CEP63: variants seen among roughly 807,000 people sequenced by gnomAD.
CEP63 encodes centrosomal protein of 63 kDa.
CEP63 carries 84 observed loss-of-function variants against 89.1 expected under a neutral mutation model. That is an observed-to-expected ratio of 0.94 (90% confidence interval 0.79 to 1.13). The LOEUF is 1.13. CEP63 is among the 50% of genes most tolerant of loss of function. The pLI is 0.00. For synonymous variants in CEP63, 267 were observed against 272.5 expected, an observed-to-expected ratio of 0.98 and a Z score of 0.20; for missense variants, 838 against 813.3, an observed-to-expected ratio of 1.03 and a Z score of -0.37.
At chr3:134,630,192 G>A in the CEP63 span, among the ~76,000 whole-genome samples, 6 of 152,178 alleles carry the variant, frequency 3.9e-5, no homozygotes, top group Non-Finnish European at 8.8e-5. Flanking sequence ...GAACCCCTAA[G>A]AGTCAGAGAG....
At chr3:134,675,892 C>A in the CEP63 span, among the ~76,000 whole-genome samples, 10 of 152,244 alleles carry the variant, frequency 6.6e-5, no homozygotes, top group East Asian at 1.9e-3. Context: ...CAAGTGTTGG[C>A]AAAGATGCAG....
chr3:134,713,537 G>C, the CEP63 span, among the ~76,000 whole-genome samples: 269 of 152,330 alleles, frequency 1.8e-3, 1 homozygote, highest in African/African-American at 6.4e-3. Context: ...AAAGAAGGAA[G>C]GAGCTTGGAT....
chr3:134,687,096 C>T, the CEP63 span, among the ~76,000 whole-genome samples: 1 of 152,082 alleles, frequency 6.6e-6, no homozygotes, highest in African/African-American at 2.4e-5. Context: ...TCTACAAGAC[C>T]CACAATGGTC....
intron 3 of CEP63, among the ~76,000 whole-genome samples, chr3:134,513,727 G>T (rs1401769813): frequency 6.6e-6 from 1 of 152,120 alleles, no homozygotes; most frequent in African/African-American, 2.4e-5. Flanking sequence ...CTGCACCCTA[G>T]GAGTAAGGAT....
the CEP63 span, among the ~76,000 whole-genome samples, chr3:134,666,212 A>T: frequency 6.6e-6 from 1 of 152,164 alleles, no homozygotes; most frequent in East Asian, 1.9e-4. Flanking sequence ...CACGTTCAGA[A>T]GGAAGAAGCC....
At chr3:134,554,189 C>T (rs1427724779) in intron 12 of CEP63, among the ~76,000 whole-genome samples, 1 of 151,732 alleles carries the variant, frequency 6.6e-6, no homozygotes, top group African/African-American at 2.4e-5. Context: ...CCCACTAACT[C>T]GTTATCTAGC....
chr3:134,523,657 A>T (rs995386135), intron 3 of CEP63, among the ~76,000 whole-genome samples: 1 of 152,010 alleles, frequency 6.6e-6, no homozygotes, highest in Non-Finnish European at 1.5e-5. Context: ...TCCTTTCCTT[A>T]TTGCTTGTTT....
chr3:134,565,617 G>A (rs771811106), downstream of CEP63, among the ~76,000 whole-genome samples: 3 of 151,982 alleles, frequency 2.0e-5, no homozygotes, highest in Non-Finnish European at 4.4e-5. Context: ...AAACAGAATC[G>A]GGGCAGAGGG....
At chr3:134,687,680 GT>G in the CEP63 span, among the ~76,000 whole-genome samples, 1 of 152,194 alleles carries the variant, frequency 6.6e-6, no homozygotes, top group Non-Finnish European at 1.5e-5. Context: ...TTAGAAAATG[GT>G]TTTACTGGCA....
chr3:134,728,241 A>G, the CEP63 span, among the ~76,000 whole-genome samples: 1 of 152,228 alleles, frequency 6.6e-6, no homozygotes, highest in Non-Finnish European at 1.5e-5. Flanking sequence ...AGCCTGCCCT[A>G]ATCAGCTGCT....
At chr3:134,650,569 A>C in the CEP63 span, among the ~76,000 whole-genome samples, 1 of 152,184 alleles carries the variant, frequency 6.6e-6, no homozygotes, top group Non-Finnish European at 1.5e-5. Flanking sequence ...AAAGACTCCC[A>C]GGGGTGACGG....
At chr3:134,754,571 G>C in the CEP63 span, among the ~76,000 whole-genome samples, 3 of 152,102 alleles carry the variant, frequency 2.0e-5, no homozygotes, top group Admixed American at 6.5e-5. Context: ...GAGACTCTCG[G>C]CTTCTCCAAG....
chr3:134,770,956 CT>C, the CEP63 span, among the ~76,000 whole-genome samples: 2 of 152,182 alleles, frequency 1.3e-5, no homozygotes, highest in African/African-American at 4.8e-5. Flanking sequence ...ACAACAAATA[CT>C]TTTCTCCTGA....
chr3:134,596,526 A>G, the CEP63 span, among the ~76,000 whole-genome samples: 1 of 152,166 alleles, frequency 6.6e-6, no homozygotes, highest in Non-Finnish European at 1.5e-5. Context: ...AATGTCCAGT[A>G]TGTGGCATAC....
At chr3:134,609,414 G>A in the CEP63 span, among the ~76,000 whole-genome samples, 1 of 152,246 alleles carries the variant, frequency 6.6e-6, no homozygotes, top group African/African-American at 2.4e-5. Flanking sequence ...GGTAAAGAGG[G>A]TATCTGTGAG....
At chr3:134,610,425 G>A in the CEP63 span, 1 of 1,557,572 alleles carries the variant, frequency 6.4e-7, no homozygotes, top group Admixed American at 1.8e-5. Flanking sequence ...ATCCCGCTGT[G>A]GCTTGCCTCC....
chr3:134,704,574 A>G, the CEP63 span, among the ~76,000 whole-genome samples: 2 of 152,234 alleles, frequency 1.3e-5, no homozygotes, highest in Non-Finnish European at 2.9e-5. Flanking sequence ...TATGATTAGG[A>G]ATGGTTCCAG....
At chr3:134,593,005 G>A in the CEP63 span, among the ~76,000 whole-genome samples, 1 of 152,106 alleles carries the variant, frequency 6.6e-6, no homozygotes, top group Non-Finnish European at 1.5e-5. Flanking sequence ...ACTGAGCCCA[G>A]TGGGTGGATT....
chr3:134,601,903 T>G, the CEP63 span, among the ~76,000 whole-genome samples: 1 of 152,372 alleles, frequency 6.6e-6, no homozygotes, highest in South Asian at 2.1e-4. Flanking sequence ...TGCTGCTGCC[T>G]GGCAGTTTCC....
Sources: gnomAD v4.1 joint callset for allele counts (sites outside exome capture counted in the v4.1 genomes callset) on GRCh38, gnomAD v4.1.1 for gene constraint, MANE v1.5 for transcripts, NCBI Gene and HGNC (gene_info 2026-07-23, HGNC 2026-07-21) for gene names.